Variants in DOCK4 observed in about 807,000 individuals in gnomAD.
DOCK4 encodes dedicator of cytokinesis protein 4.
DOCK4 carries 97 observed loss-of-function variants against 268.1 expected under a neutral mutation model. The observed-to-expected ratio is 0.36, with a 90% CI of 0.31 to 0.43. The LOEUF (loss-of-function observed/expected upper bound fraction) is 0.43. Among genes scored for constraint, DOCK4 ranks in the 20% least tolerant of loss-of-function variants. The probability of loss-of-function intolerance (pLI) is 1.00; values close to 1 mark genes in which losing one functional copy is unlikely to be tolerated. For missense variants in DOCK4, 2,145 were observed against 2,455.7 expected (o/e 0.87, Z 2.67); for synonymous variants, 954 against 887.2 (o/e 1.08, Z -1.34).
chr7:111,900,527 A>C lies in DOCK4; in HGVS notation c.1327T>G (p.Ser443Ala), dbSNP rs761659475. The C allele has an allele frequency of 2.5e-6, 4 of 1,610,380 alleles. No individual in the cohort carries two copies. In the East Asian group the frequency reaches 8.9e-5, roughly 36 times the overall value. The change falls in exon 15 of 53, where the codon TCC becomes GCC. Residue 443 changes from serine to alanine, a missense_variant. Physicochemically the swap from Ser to Ala is moderately conservative, Grantham distance 99. Around this residue, in one of 2 missense-constraint regions of DOCK4, gnomAD observed 1,598 missense variants for 1,986.7 expected, o/e 0.80. Transcript: ENST00000428084. Reference protein sequence around the residue: ...SSGQTLKDFISFGSGEPPASE... With the variant: ...SSGQTLKDFIAFGSGEPPASE... ...GCTGGTGGCTCCCCAGAGCCGAAGGAGATAAAATCCTAACAAAGGGAAGAA... is the reference window on the plus strand; with the variant it reads ...GCTGGTGGCTCCCCAGAGCCGAAGGCGATAAAATCCTAACAAAGGGAAGAA...
Position 111,998,461 on chromosome 7 carries a change from C to T in DOCK4, c.205G>A (p.Val69Ile), listed in dbSNP as rs769419101. ...CTCATTTCTTACCCTTTGTTCTTTA[C>T]ACAGGCATTTTTCAAGTGAACGTAG... ...SSYVHLKNAC[V>I]KNKGQFEMVI... The change falls in exon 4 of 53, where the codon GTA becomes ATA. Residue 69 changes from valine (V) to isoleucine (I), a missense_variant. Val to Ile is a conservative substitution (Grantham distance 29). This residue lies in a region of DOCK4 where 1,598 missense variants were observed against 1,986.7 expected (regional missense o/e 0.80). Coordinates refer to ENST00000428084, the MANE Select transcript of DOCK4 (RefSeq NM_001363540.2). The T allele has an allele frequency of 4.4e-6, 7 of 1,588,486 alleles. No homozygotes were observed. The Middle Eastern group carries it at 5.0e-4, about 114-fold the overall frequency.
intron 1 of DOCK4, among the ~76,000 whole-genome samples, chr7:112,022,923 T>G (rs1399549076): frequency 6.6e-6 from 1 of 152,136 alleles, no homozygotes; most frequent in Non-Finnish European, 1.5e-5. Context: ...CTTTTCTTCT[T>G]TTTTTGTTTT....
intron 1 of DOCK4, among the ~76,000 whole-genome samples, chr7:112,054,100 T>G (rs748076224): frequency 3.9e-5 from 6 of 152,034 alleles, no homozygotes; most frequent in Non-Finnish European, 8.8e-5. Flanking sequence ...GGCGAGAGGA[T>G]CACTTCAACC....
At chr7:112,081,240 A>G (rs1189676579) in intron 1 of DOCK4, among the ~76,000 whole-genome samples, 3 of 152,164 alleles carry the variant, frequency 2.0e-5, no homozygotes, top group Admixed American at 2.0e-4. Context: ...TTTGGAGGAG[A>G]CACACAGAAT....
At chr7:111,981,597 C>G (rs1316568610) in intron 7 of DOCK4, among the ~76,000 whole-genome samples, 3 of 152,150 alleles carry the variant, frequency 2.0e-5, no homozygotes, top group Non-Finnish European at 2.9e-5. Flanking sequence ...TCTTCTGAAG[C>G]TTATAACTAT....
At position 111,895,655 on chromosome 7, in the gene DOCK4, C is replaced by T. The variant is rs746118159; in HGVS notation, c.1544G>A (p.Gly515Asp). The T allele has an allele frequency of 6.2e-7, 1 of 1,613,932 alleles. No homozygotes were observed. The highest frequency in any genetic ancestry group is 8.5e-7 in the Non-Finnish European group (1 of 1,179,862). Residue 515 changes from glycine (G) to aspartate (D), a missense_variant, in exon 16 of 53, where the codon GGT (glycine) becomes GAT (aspartate). Around this residue, in one of 2 missense-constraint regions of DOCK4, gnomAD observed 1,598 missense variants for 1,986.7 expected, o/e 0.80. Coordinates refer to ENST00000428084, the MANE Select transcript of DOCK4 (RefSeq NM_001363540.2). ...ATGAGTGCCATCTGGAAGAGTCCTA[C>T]CATCTTCTTGCATCAGAGGGACAAA... ...FSFVPLMQED[G>D]RTLPDGTHEL...
intron 1 of DOCK4, among the ~76,000 whole-genome samples, chr7:112,059,373 T>A (rs7778864): frequency 0.47 from 71,035 of 151,840 alleles, 19,677 homozygotes; most frequent in African/African-American, 0.78. Context: ...TGAACTCCTG[T>A]CTTCGTGATC....
Position 111,976,206 on chromosome 7 carries a change from ATG to A in DOCK4, c.701+924_701+925del, listed in dbSNP as rs1157470069. Among the ~76,000 whole-genome samples, 408 of 71,740 alleles carry A rather than the reference ATG, an allele frequency of 5.7e-3. 19 individuals carry two copies. The highest frequency in any genetic ancestry group is 0.014 in the African/African-American group (181 of 13,196). 47.1% of individuals were successfully genotyped at this position (71,740 alleles called of 152,430 possible). ...CACACACACACGCACACACGCACATATGTGTGTGTGTGTGTGCGTGTGTGTGT... is the reference window on the plus strand; with the variant it reads ...CACACACACACGCACACACGCACATATGTGTGTGTGTGTGCGTGTGTGTGT... On this transcript the variant is annotated intron_variant, in intron 8 of 52. Transcript: ENST00000428084.
At chr7:111,986,147 G>A (rs1799036796) in intron 6 of DOCK4, among the ~76,000 whole-genome samples, 3 of 152,148 alleles carry the variant, frequency 2.0e-5, no homozygotes, top group Admixed American at 1.3e-4. Flanking sequence ...CAGCTTATGA[G>A]AGGCTGGTAT....
At chr7:111,998,311 A>G in intron 4 of DOCK4, 137 bp downstream of exon 4, 1 of 679,252 alleles carries the variant, frequency 1.5e-6, no homozygotes, top group Non-Finnish European at 2.4e-6. Flanking sequence ...AATGCAATAT[A>G]TCTTTAACAA....
intron 1 of DOCK4, among the ~76,000 whole-genome samples, chr7:112,076,847 A>G (rs1808107907): frequency 6.6e-6 from 1 of 152,146 alleles, no homozygotes; most frequent in Non-Finnish European, 1.5e-5. Flanking sequence ...TTCAGGAAAG[A>G]ATACTACATT....
rs528689323 is a variant in DOCK4, at chr7:112,020,757, G to A, written c.38-16626C>T. ...TAAAGCTGGGCTTTTCAGGGAGCAA[G>A]AATATAATGAAAAGGTGTGGTCACT... On this transcript the variant is annotated intron_variant, in intron 1 of 52. Transcript: ENST00000428084. 4.6e-5 allele frequency among the ~76,000 whole-genome samples: 7 copies of A among 150,962 alleles called. No homozygotes were observed. In the South Asian group the frequency reaches 1.5e-3, roughly 32 times the overall value.
intron 1 of DOCK4, among the ~76,000 whole-genome samples, chr7:112,189,003 C>T (rs1819695609): frequency 6.6e-6 from 1 of 152,220 alleles, no homozygotes; most frequent in Non-Finnish European, 1.5e-5. Flanking sequence ...AATCCAGCCA[C>T]CATATGCAGA....
chr7:111,779,758 A>G (rs1798678702), intron 35 of DOCK4, among the ~76,000 whole-genome samples: 1 of 152,218 alleles, frequency 6.6e-6, no homozygotes. Flanking sequence ...TCACCACATT[A>G]TAAAGCACAT....
intron 13 of DOCK4, among the ~76,000 whole-genome samples, chr7:111,915,478 TCATAATGAA>T (rs926621986): frequency 2.0e-5 from 3 of 152,158 alleles, no homozygotes; most frequent in Admixed American, 6.5e-5. Flanking sequence ...CTTCTCCTGG[TCATAATGAA>T]ATGTAGCCAT....
At chr7:111,915,618 T>C (rs1237533079) in intron 13 of DOCK4, among the ~76,000 whole-genome samples, 161 bp downstream of exon 13, 1 of 152,170 alleles carries the variant, frequency 6.6e-6, no homozygotes, top group Non-Finnish European at 1.5e-5. Flanking sequence ...AAAAGGATAT[T>C]TTAGAAAAAA....
intron 1 of DOCK4, among the ~76,000 whole-genome samples, chr7:112,119,755 T>C (rs1586860907): frequency 2.0e-5 from 3 of 152,090 alleles, no homozygotes; most frequent in Admixed American, 2.0e-4. Context: ...GGGATAATAA[T>C]GGAACCCATC....
chr7:111,854,478 T>C (rs1481767972), intron 23 of DOCK4, among the ~76,000 whole-genome samples: 2 of 152,196 alleles, frequency 1.3e-5, no homozygotes, highest in Non-Finnish European at 2.9e-5. Context: ...ACGTGGGTCT[T>C]GCCGATGCTC....
intron 12 of DOCK4, among the ~76,000 whole-genome samples, chr7:111,918,874 T>G (rs1266694835): frequency 1.3e-5 from 2 of 152,226 alleles, no homozygotes. Context: ...CTTAAGATCC[T>G]GTAATTTTTG....
Sources: allele counts gnomAD v4.1 joint callset (sites outside exome capture counted in the v4.1 genomes callset), GRCh38; gene constraint gnomAD v4.1.1; regional missense constraint gnomAD v4.1.1; transcripts MANE v1.5; gene names NCBI Gene and HGNC (gene_info 2026-07-23, HGNC 2026-07-21).